Variants in DALRD3 observed in about 807,000 individuals in gnomAD.
The protein encoded by DALRD3 is DALR anticodon binding domain containing 3.
Under a neutral mutation model 56.7 loss-of-function variants are expected in DALRD3, and 47 were observed. That is an observed-to-expected ratio of 0.83 (90% CI 0.66 to 1.06). DALRD3 has a LOEUF of 1.06. Ranked by LOEUF, DALRD3 falls within the 50% of genes least tolerant of loss-of-function variation. DALRD3 has a pLI of 0.00. For synonymous variants in DALRD3, 347 were observed against 308.5 expected, an observed-to-expected ratio of 1.12 and a Z score of -1.31; for missense variants, 787 against 724.0, an observed-to-expected ratio of 1.09 and a Z score of -1.00.
intron 5 of DALRD3, 47 bp downstream of exon 5, chr3:49,017,181 G>A: frequency 6.2e-7 from 1 of 1,613,510 alleles, no homozygotes; most frequent in Non-Finnish European, 8.5e-7. Context: ...GGCCCTCTGA[G>A]GTTGGGGGTT....
intron 5 of DALRD3, 118 bp from the exon 6 acceptor site, chr3:49,016,965 G>A: frequency 8.2e-7 from 1 of 1,216,880 alleles, no homozygotes; most frequent in Non-Finnish European, 1.2e-6. Flanking sequence ...GAACTGCCAG[G>A]TTGAGTGCCT....
rs767177804 is a variant in DALRD3 at position 49,015,593 on chromosome 3, T to C, written c.1627A>G (p.Ile543Val). Residue 543 changes from isoleucine (I) to valine (V), a missense_variant, in exon 12 of 12, where the codon ATT becomes GTT. By Grantham distance (29) the Ile-to-Val change is conservative. Coordinates refer to ENST00000341949, the MANE Select transcript of DALRD3 (RefSeq NM_001009996.3). ...AMLGLPPLSH[I>V] is the part of the protein sequence containing the mutation. ...GTATTGGAGCCTCTGTGGCCTTAAATGTGGCTCAGTGGAGGGAGACCCAGC... is the reference window on the plus strand; with the variant it reads ...GTATTGGAGCCTCTGTGGCCTTAAACGTGGCTCAGTGGAGGGAGACCCAGC... 3 of 1,614,148 alleles carry C rather than the reference T, an allele frequency of 1.9e-6. No individual in the cohort carries two copies. Among genetic ancestry groups the C allele is most frequent in the South Asian group, 1.1e-5 (1 of 91,090 alleles).
At chr3:49,016,562 C>A in intron 7 of DALRD3, 50 bp downstream of exon 7, 1 of 1,595,502 alleles carries the variant, frequency 6.3e-7, no homozygotes, top group Non-Finnish European at 8.5e-7. Context: ...GGCAGGGATG[C>A]AAAAAACCTG....
chr3:49,018,984 T>A (rs2093127572), upstream of DALRD3: 1 of 985,492 alleles, frequency 1.0e-6, no homozygotes. Context: ...AAGGCCACTT[T>A]CACGACCTAC....
chr3:49,017,184 T>A, intron 5 of DALRD3, 44 bp downstream of exon 5: 1 of 1,613,578 alleles, frequency 6.2e-7, no homozygotes, highest in Non-Finnish European at 8.5e-7. Context: ...CCTCTGAGGT[T>A]GGGGGTTAGG....
chr3:49,017,901 G>C, intron 2 of DALRD3, 32 bp from the exon 3 acceptor site: 1 of 1,579,580 alleles, frequency 6.3e-7, no homozygotes, highest in Non-Finnish European at 8.5e-7. Context: ...CTCAGTCTGA[G>C]CACCTGGTCC....
chr3:49,017,381 G>A (rs1325412543), intron 4 of DALRD3, 25 bp from the exon 5 acceptor site: 48 of 1,614,078 alleles, frequency 3.0e-5, no homozygotes, highest in Non-Finnish European at 3.9e-5. Context: ...TCATAACTGT[G>A]GAAGTACAGT....
upstream of DALRD3, chr3:49,020,259 G>A (rs761365892): frequency 1.1e-5 from 6 of 533,420 alleles, no homozygotes; most frequent in Admixed American, 5.8e-5. Flanking sequence ...ATGACCTGGA[G>A]ACAACTGCTT....
chr3:49,015,545 G>A lies in DALRD3; in HGVS notation c.*43C>T. On this transcript the variant is annotated 3_prime_UTR_variant, in exon 12 of 12. Coordinates refer to ENST00000341949, the MANE Select transcript of DALRD3 (RefSeq NM_001009996.3). ...GTGGGTTTTTGCTTTTTTTCCAGTTGATGACTTTGTGAACATTCCCAGGTA... is the reference window on the plus strand; with the variant it reads ...GTGGGTTTTTGCTTTTTTTCCAGTTAATGACTTTGTGAACATTCCCAGGTA... The A allele has an allele frequency of 6.2e-7, 1 of 1,602,502 alleles. No individual in the cohort carries two copies. The highest frequency in any genetic ancestry group is 8.5e-7 in the Non-Finnish European group (1 of 1,174,756).
upstream of DALRD3, chr3:49,021,454 C>G (rs1482092333): frequency 6.5e-6 from 1 of 153,282 alleles, no homozygotes; most frequent in Non-Finnish European, 1.5e-5. This position sits in a 1 kb window ranked among gnomAD's most constrained non-coding sequence, Gnocchi z 4.1. Context: ...CTGGTCTGGG[C>G]CAGCCGAACA....
rs1452508263 is a variant in DALRD3, at chr3:49,016,417, T to C, written c.1146+12A>G. 4 of 1,611,586 alleles carry C rather than the reference T, an allele frequency of 2.5e-6. No individual in the cohort carries two copies. The Admixed American group carries it at 6.7e-5, about 27-fold the overall frequency. On this transcript the variant is annotated intron_variant, in intron 8 of 11. Transcript: ENST00000341949. ...TGCCCCAACACTGGCCCTGTCAGGC[T>C]CCCAGGCTCACCTGACTCTGTGGGG...
In DALRD3 at chr3:49,016,062, T is replaced by C. The variant is rs2093063531; in HGVS notation, c.1354A>G (p.Ser452Gly). ...AGCAGATCCGGAAAGGGGAGGATAC[T>C]GTTGAAGAGCAACAACCACTCACCC... is the stretch of plus-strand genomic sequence containing the variant. ...DEGEWLLLFN[S>G]ILPFPDLLSR... Residue 452 changes from serine (S) to glycine (G), a missense_variant, in exon 10 of 12, where the codon AGT becomes GGT. Physicochemically the swap from Ser to Gly is moderately conservative, Grantham distance 56 (BLOSUM62 0). Transcript: ENST00000341949. 1 of 1,601,246 alleles carries C rather than the reference T, an allele frequency of 6.2e-7. No homozygotes were observed. The highest frequency in any genetic ancestry group is 1.3e-5 in the African/African-American group (1 of 74,742).
upstream of DALRD3, chr3:49,020,946 C>G (rs2093150931): frequency 5.7e-6 from 1 of 176,556 alleles, no homozygotes; most frequent in Admixed American, 5.9e-5. Flanking sequence ...GTTGGTCCCA[C>G]GAAGCCTGGG....
At position 49,016,239 on chromosome 3, in the gene DALRD3, A is replaced by ACTC. The variant is rs2093067570; in HGVS notation, c.1245_1247dup (p.Glu415_Ser416insArg). ...GACCTTGTTCCATACTACACTTGTA[A>ACTC]CTCTCAAAGAGTGTGGCAAGACGGG... On this transcript the variant is annotated inframe_insertion, in exon 9 of 12. Transcript: ENST00000341949. The ACTC allele has an allele frequency of 1.2e-6, 2 of 1,614,004 alleles. No homozygotes were observed. The highest frequency in any genetic ancestry group is 2.7e-5 in the African/African-American group (2 of 74,896).
intron 5 of DALRD3, 180 bp from the exon 6 acceptor site, chr3:49,017,027 C>G: frequency 3.2e-6 from 3 of 949,718 alleles, no homozygotes; most frequent in Non-Finnish European, 4.7e-6. Flanking sequence ...TCAACCTGGT[C>G]TTCAGTGTTC....
upstream of DALRD3, chr3:49,019,060 G>C: frequency 1.4e-5 from 14 of 983,366 alleles, no homozygotes; most frequent in South Asian, 4.7e-5. Flanking sequence ...GCATTTTCTC[G>C]TTTGAGATAT....
At position 49,018,407 on chromosome 3, in the gene DALRD3, T is replaced by A; in HGVS notation, c.158A>T (p.Asp53Val). The A allele has an allele frequency of 6.4e-7, 1 of 1,569,992 alleles. No individual in the cohort carries two copies. The change falls in exon 1 of 12, where the codon GAC becomes GTC. Residue 53 changes from aspartate to valine, a missense_variant. Transcript: ENST00000341949. ...PHRALQARFD[D>V]GQVPEHLLHA... ...CGCCCGGCTCACGCCCACCTGGCCG[T>A]CATCGAAGCGCGCCTGCAGCGCGCG...
upstream of DALRD3, chr3:49,018,866 G>A (rs2093126426): frequency 1.0e-6 from 1 of 985,326 alleles, no homozygotes; most frequent in South Asian, 4.7e-5. Flanking sequence ...CTTAGACCGG[G>A]TACCGTCTCT....
chr3:49,015,908 T>C (rs2093059561), intron 10 of DALRD3, 36 bp from the exon 11 acceptor site: 1 of 1,614,218 alleles, frequency 6.2e-7, no homozygotes, highest in Non-Finnish European at 8.5e-7. Context: ...CCCATCTCTT[T>C]GCTCTTGTGC....
Sources: allele counts gnomAD v4.1 joint callset, GRCh38; gene constraint gnomAD v4.1.1; non-coding constraint Gnocchi (gnomAD v3.1); transcripts MANE v1.5; gene names NCBI Gene and HGNC (gene_info 2026-07-23, HGNC 2026-07-21).